MYO18A: variants seen among roughly 807,000 people sequenced by gnomAD.
MYO18A encodes unconventional myosin-XVIIIa.
Under a neutral mutation model 235.8 loss-of-function variants are expected in MYO18A, and 78 were observed. The ratio of observed to expected loss-of-function variants is 0.33; its 90% CI spans 0.28 to 0.40. The LOEUF (loss-of-function observed/expected upper bound fraction) is 0.40, where lower values mean the gene tolerates loss of function less well. Among genes scored for constraint, MYO18A ranks in the 10% least tolerant of loss-of-function variants. The pLI, the probability that MYO18A is intolerant of heterozygous loss-of-function variation, is 1.00. For missense variants in MYO18A, 2,215 were observed against 2,699.3 expected (o/e 0.82, Z 3.98); for synonymous variants, 977 against 1,077.8 (o/e 0.91, Z 1.83).
At chr17:29,174,145 T>C (rs145602854) in intron 1 of MYO18A, among the ~76,000 whole-genome samples, 10 of 152,342 alleles carry the variant, frequency 6.6e-5, no homozygotes, top group African/African-American at 2.4e-4. Context: ...TCACATAATA[T>C]ACATGGCTAA....
chr17:29,074,739 G>A lies in MYO18A; in HGVS notation c.*31C>T. 1.2e-6 allele frequency: 2 copies of A among 1,612,368 alleles called. No homozygotes were observed. The highest frequency in any genetic ancestry group is 1.7e-6 in the Non-Finnish European group (2 of 1,178,590). ...GGTGCCCAGGCAGCCACAGGCCCTG[G>A]GGTGAGAGGGCTGCCAACCACTCCC... On this transcript the variant is annotated 3_prime_UTR_variant, in exon 42 of 42. Coordinates refer to ENST00000527372, the MANE Select transcript of MYO18A (RefSeq NM_078471.4). This position sits in a 1 kb window ranked among gnomAD's most constrained non-coding sequence, Gnocchi z 4.4.
At chr17:29,110,725 GC>G in intron 17 of MYO18A, 103 bp from the exon 18 acceptor site, 1 of 1,202,048 alleles carries the variant, frequency 8.3e-7, no homozygotes, top group Non-Finnish European at 1.1e-6. Context: ...GTCCCATTCA[GC>G]CACGTCCAGG....
rs1330909332 is a variant in MYO18A, at chr17:29,080,014, T to TCGGAGC, written c.6020+2296_6020+2301dup. The stretch of plus-strand genomic sequence containing the variant: ...CCGCCTCTTGTGCTCTGAGGAAGCT[T>TCGGAGC]CGGAGCCGGAGCTGGAGCTGGAGCT... On this transcript the variant is annotated intron_variant, in intron 41 of 41. Coordinates refer to ENST00000527372, the MANE Select transcript of MYO18A (RefSeq NM_078471.4). 3.9e-5 allele frequency: 38 copies of TCGGAGC among 985,932 alleles called. No homozygotes were observed. In the African/African-American group the frequency reaches 5.1e-4, roughly 13 times the overall value. The allele number at this position is 985,932 out of a possible 1,614,324, so 61.1% of individuals were successfully genotyped here. A position where few individuals can be genotyped will look rare whatever the true frequency, so the allele number is the denominator to read the frequency against.
At chr17:29,133,577 T>C (rs1288091735) in intron 2 of MYO18A, among the ~76,000 whole-genome samples, 1 of 151,944 alleles carries the variant, frequency 6.6e-6, no homozygotes. Context: ...TTACCAGAGG[T>C]GGGGCTTAGG....
In MYO18A at chr17:29,111,514, C is replaced by T; in HGVS notation, c.2810G>A (p.Trp937Ter). Residue 937 changes from tryptophan to a stop codon, truncating the protein, a stop_gained, in exon 17 of 42, where the codon TGG becomes TAG. Transcript: ENST00000527372. LOFTEE classifies it high-confidence loss of function. The surrounding 1 kb of genome is among the most constrained non-coding windows in gnomAD (Gnocchi z 5.1). ...FLLGHSHGTNWVEYNVTGWLN... is the reference protein window; with the variant it reads ...FLLGHSHGTN ...CCAGCCAGTCACATTGTACTCTACC[C>T]AGTTGGTGCCATGGCTGTGGCCCAG... is the stretch of plus-strand genomic sequence containing the variant. The T allele has an allele frequency of 6.2e-7, 1 of 1,613,522 alleles. No individual in the cohort carries two copies. The highest frequency in any genetic ancestry group is 8.5e-7 in the Non-Finnish European group (1 of 1,179,708).
chr17:29,108,628 G>A lies in MYO18A; in HGVS notation c.3331+1230C>T, dbSNP rs369030687. 2.0e-3 allele frequency among the ~76,000 whole-genome samples: 308 copies of A among 152,346 alleles called. 2 individuals are homozygous for A. Among genetic ancestry groups the A allele is most frequent in the South Asian group, 0.016 (75 of 4,818 alleles). Reference sequence around the variant, plus strand: ...GCTCCACAGCAATGACGGGCTAGCTGGCTCTGGGAAACCCTCCAGCTGGGA... The same window carrying A: ...GCTCCACAGCAATGACGGGCTAGCTAGCTCTGGGAAACCCTCCAGCTGGGA... On this transcript the variant is annotated intron_variant, in intron 19 of 41. Coordinates refer to ENST00000527372, the MANE Select transcript of MYO18A (RefSeq NM_078471.4).
intron 2 of MYO18A, among the ~76,000 whole-genome samples, chr17:29,134,998 G>C (rs1314741873): frequency 2.0e-5 from 3 of 152,152 alleles, no homozygotes; most frequent in Non-Finnish European, 4.4e-5. Context: ...AGAAACCAGA[G>C]CTGGGCCGCT....
At chr17:29,078,554 T>C (rs2066040405) in intron 41 of MYO18A, 1 of 152,270 alleles carries the variant, frequency 6.6e-6, no homozygotes, top group Non-Finnish European at 1.5e-5. Context: ...GGTGTGTTAG[T>C]TCATGCATCT....
chr17:29,094,244 G>A (rs2066468624), intron 30 of MYO18A, 154 bp from the exon 31 acceptor site: 1 of 632,444 alleles, frequency 1.6e-6, no homozygotes, highest in Admixed American at 2.7e-5. Context: ...AGCTTCTCCA[G>A]AGCAGCTGAA....
At position 29,125,435 on chromosome 17, in the gene MYO18A, T is replaced by C. The variant is rs952474077; in HGVS notation, c.1000-3182A>G. 1.3e-5 allele frequency among the ~76,000 whole-genome samples: 2 copies of C among 152,212 alleles called. No individual in the cohort carries two copies. Among genetic ancestry groups the C allele is most frequent in the African/African-American group, 4.8e-5 (2 of 41,456 alleles). On this transcript the variant is annotated intron_variant, in intron 2 of 41. Coordinates refer to ENST00000527372, the MANE Select transcript of MYO18A (RefSeq NM_078471.4). The surrounding 1 kb of genome is among the most constrained non-coding windows in gnomAD (Gnocchi z 5.1). ...ACCCTGTGGCCAGCCGTGACCTCTC[T>C]GGTTACTTAAAGCCCTGAAAAGCCT...
At chr17:29,159,919 A>T (rs2068137982) in intron 2 of MYO18A, among the ~76,000 whole-genome samples, 1 of 152,222 alleles carries the variant, frequency 6.6e-6, no homozygotes, top group Non-Finnish European at 1.5e-5. Context: ...AAGCTAGAAA[A>T]GGATAGGAAG....
At chr17:29,084,588 G>A (rs907420007) in intron 40 of MYO18A, among the ~76,000 whole-genome samples, 3 of 152,124 alleles carry the variant, frequency 2.0e-5, no homozygotes, top group Non-Finnish European at 2.9e-5. Flanking sequence ...ACGGGGAGCC[G>A]AATCACGGGG....
chr17:29,107,023 GGGCAGCT>G, intron 20 of MYO18A, 50 bp downstream of exon 20: 3 of 1,516,050 alleles, frequency 2.0e-6, no homozygotes, highest in Non-Finnish European at 2.7e-6. Context: ...AGTCTGGAAA[GGGCAGCT>G]GCTTGAGGGG....
intron 35 of MYO18A, 34 bp from the exon 36 acceptor site, chr17:29,090,649 C>A: frequency 9.5e-6 from 15 of 1,583,370 alleles, no homozygotes; most frequent in Non-Finnish European, 1.2e-5. Flanking sequence ...GAAGCAGGAT[C>A]CCCCATAAGC....
Position 29,120,770 on chromosome 17 carries a change from A to G in MYO18A, c.1586-12T>C. The G allele has an allele frequency of 6.2e-7, 1 of 1,611,280 alleles. No homozygotes were observed. The stretch of plus-strand genomic sequence containing the variant: ...CTGCCACTTCTCCACTGCAGAATAC[A>G]GGCCCAAGGGGATATCAGGAAAGCC... On this transcript the variant is annotated splice_polypyrimidine_tract_variant and intron_variant, in intron 6 of 41. Transcript: ENST00000527372. This position sits in a 1 kb window ranked among gnomAD's most constrained non-coding sequence, Gnocchi z 4.2.
chr17:29,080,621 C>T (rs1396463342), intron 41 of MYO18A: 1 of 985,752 alleles, frequency 1.0e-6, no homozygotes, highest in Non-Finnish European at 1.2e-6. Flanking sequence ...GAAGAGCCAG[C>T]CCTGTCTTCG....
rs773484681 is a variant in MYO18A at position 29,092,942 on chromosome 17, C to T, written c.4986G>A (p.Lys1662=). 4.3e-6 allele frequency: 7 copies of T among 1,613,794 alleles called. No homozygotes were observed. The highest frequency in any genetic ancestry group is 1.3e-5 in the African/African-American group (1 of 74,946). ...TGAGCTGGGCATCTGCCAGCAGGGC[C>T]TTGGTGCGCTTCAGGTCCTTCCGCA... ...KRLRKDLKRT[K]ALLADAQLML... is the part of the protein sequence containing the mutation. Residue 1662 remains lysine (K), a synonymous_variant, in exon 33 of 42, where the codon AAG becomes AAA. Transcript: ENST00000527372.
At chr17:29,129,786 G>C (rs900253913) in intron 2 of MYO18A, among the ~76,000 whole-genome samples, 1 of 152,254 alleles carries the variant, frequency 6.6e-6, no homozygotes, top group Non-Finnish European at 1.5e-5. Context: ...GCAGAGCTGA[G>C]CCAAGGGCCT....
chr17:29,091,503 C>T, intron 34 of MYO18A: 1 of 406,718 alleles, frequency 2.5e-6, no homozygotes, highest in Non-Finnish European at 5.0e-6. Context: ...CTGCCCCATC[C>T]ATCTTGTTAC....
Sources: allele counts gnomAD v4.1 joint callset (sites outside exome capture counted in the v4.1 genomes callset), GRCh38; gene constraint gnomAD v4.1.1; non-coding constraint Gnocchi (gnomAD v3.1); transcripts MANE v1.5; gene names NCBI Gene and HGNC (gene_info 2026-07-23, HGNC 2026-07-21).